The following SHISA6 variants were observed in gnomAD, a reference collection of about 807,000 sequenced individuals.
SHISA6 encodes the protein shisa family member 6, also known as protein shisa-6.
Under a neutral mutation model 47.9 loss-of-function variants are expected in SHISA6, and 22 were observed. The observed-to-expected ratio is 0.46, with a 90% confidence interval of 0.33 to 0.66. SHISA6 has a LOEUF of 0.66. Among genes scored for constraint, SHISA6 ranks in the 30% least tolerant of loss-of-function variants. The probability of loss-of-function intolerance (pLI) is 0.02; values close to 1 mark genes in which losing one functional copy is unlikely to be tolerated. For synonymous variants in SHISA6, 388 were observed against 337.8 expected (o/e 1.15, Z -1.63); for missense variants, 680 against 764.6 (o/e 0.89, Z 1.30).
intron 2 of SHISA6, among the ~76,000 whole-genome samples, chr17:11,340,121 A>G (rs75014184): frequency 0.016 from 2,431 of 152,308 alleles, 64 homozygotes; most frequent in African/African-American, 0.056. Flanking sequence ...ATGAATTCTC[A>G]GTGATCCTAT....
At chr17:11,549,057 A>G (rs1380129212) in intron 3 of SHISA6, among the ~76,000 whole-genome samples, 1 of 152,258 alleles carries the variant, frequency 6.6e-6, no homozygotes, top group East Asian at 1.9e-4. Context: ...CACAATTGTC[A>G]TTCTGCATAC....
intron 2 of SHISA6, among the ~76,000 whole-genome samples, chr17:11,302,553 A>C (rs766347596): frequency 1.3e-4 from 20 of 152,210 alleles, no homozygotes; most frequent in Non-Finnish European, 2.4e-4. Flanking sequence ...AGAAACAGGC[A>C]AGCATTTCCT....
At chr17:11,255,331 G>A (rs891546358) in intron 1 of SHISA6, among the ~76,000 whole-genome samples, 11 of 152,090 alleles carry the variant, frequency 7.2e-5, no homozygotes, top group Non-Finnish European at 1.3e-4. Flanking sequence ...AAAAATGAAG[G>A]GAGGAGGGAG....
At chr17:11,505,883 G>A (rs1187626363) in intron 3 of SHISA6, among the ~76,000 whole-genome samples, 3 of 152,160 alleles carry the variant, frequency 2.0e-5, no homozygotes, top group Non-Finnish European at 4.4e-5. Context: ...GAGAAGAAAG[G>A]CATATACTGT....
intron 3 of SHISA6, among the ~76,000 whole-genome samples, chr17:11,498,521 A>T (rs1030707113): frequency 3.9e-5 from 6 of 152,212 alleles, no homozygotes; most frequent in Non-Finnish European, 8.8e-5. Flanking sequence ...AGGAATTGGA[A>T]TGTTCCCAAC....
intron 2 of SHISA6, among the ~76,000 whole-genome samples, chr17:11,265,313 A>G (rs111278236): frequency 0.021 from 3,197 of 151,590 alleles, 107 homozygotes; most frequent in African/African-American, 0.073. Context: ...CCTAAGCCCA[A>G]TGGTTCTTAA....
chr17:11,529,583 T>C (rs1217253090), intron 3 of SHISA6, among the ~76,000 whole-genome samples: 1 of 152,196 alleles, frequency 6.6e-6, no homozygotes, highest in Non-Finnish European at 1.5e-5. Context: ...TTTGAGCATA[T>C]CCCTACACTA....
intron 1 of SHISA6, among the ~76,000 whole-genome samples, chr17:11,256,848 A>G (rs555764862): frequency 6.6e-6 from 1 of 152,322 alleles, no homozygotes; most frequent in African/African-American, 2.4e-5. Flanking sequence ...TTGGGCCCCC[A>G]GGGGATGCAC....
At chr17:11,533,219 C>G (rs569311591) in intron 3 of SHISA6, among the ~76,000 whole-genome samples, 2 of 152,302 alleles carry the variant, frequency 1.3e-5, no homozygotes, top group South Asian at 4.1e-4. Context: ...AGAGCTGATT[C>G]AGCTGCCGTT....
chr17:11,276,029 G>A (rs1908876449), intron 2 of SHISA6, among the ~76,000 whole-genome samples: 1 of 151,768 alleles, frequency 6.6e-6, no homozygotes, highest in African/African-American at 2.4e-5. Context: ...AAGTTGGAGT[G>A]TGCAGTGGTG....
Position 11,263,535 on chromosome 17 carries a change from C to CA in SHISA6, c.799+10dup. ...GGCCAAGCAGACTCCAGGTAAGTAA[C>CA]AGCTGGGCACCTTGATTCTTTGCTG... On this transcript the variant is annotated intron_variant, in intron 2 of 5. Coordinates refer to ENST00000441885, the MANE Select transcript of SHISA6 (RefSeq NM_207386.4). 1.3e-6 allele frequency: 2 copies of CA among 1,551,556 alleles called. No homozygotes were observed. The highest frequency in any genetic ancestry group is 2.4e-5 in the South Asian group (2 of 84,050).
rs1376580359 is a variant in SHISA6, at chr17:11,425,989, T to C, written c.895+46480T>C. On this transcript the variant is annotated intron_variant, in intron 3 of 5. Transcript: ENST00000441885. The stretch of plus-strand genomic sequence containing the variant: ...TGATCAACTTGAGCCTTGAACATGC[T>C]CCCACTGTGGAATGAGCACAAATTC... Among the ~76,000 whole-genome samples the C allele has an allele frequency of 2.0e-5, 3 of 152,280 alleles. No homozygotes were observed. In the East Asian group the frequency reaches 5.8e-4, roughly 29 times the overall value.
intron 2 of SHISA6, among the ~76,000 whole-genome samples, chr17:11,271,810 T>TTCTGTGCCTGGGACCCCA (rs2142153306): frequency 6.6e-6 from 1 of 152,120 alleles, no homozygotes; most frequent in East Asian, 1.9e-4. Context: ...TCACCTTTCC[T>TTCTGTGCCTGGGACCCCA]TCTGTGCCTG....
chr17:11,469,117 T>C (rs1215398316), intron 3 of SHISA6, among the ~76,000 whole-genome samples: 1 of 144,618 alleles, frequency 6.9e-6, no homozygotes, highest in African/African-American at 2.5e-5. Flanking sequence ...AAATGAACCC[T>C]CTGTGGTAGC....
intron 3 of SHISA6, among the ~76,000 whole-genome samples, chr17:11,416,239 G>C (rs942745594): frequency 6.6e-6 from 1 of 152,122 alleles, no homozygotes; most frequent in Non-Finnish European, 1.5e-5. Context: ...TGAACAAAAA[G>C]GGTCCCAGAG....
chr17:11,504,390 G>A (rs1197146116), intron 3 of SHISA6, among the ~76,000 whole-genome samples: 1 of 152,156 alleles, frequency 6.6e-6, no homozygotes, highest in African/African-American at 2.4e-5. Context: ...ATCATGAGGA[G>A]GAGGTGAAGC....
chr17:11,351,069 C>T (rs892170922), intron 2 of SHISA6, among the ~76,000 whole-genome samples: 1 of 152,056 alleles, frequency 6.6e-6, no homozygotes, highest in Non-Finnish European at 1.5e-5. Flanking sequence ...CATGTTCTCA[C>T]TCATAAGTGG....
intron 2 of SHISA6, among the ~76,000 whole-genome samples, chr17:11,270,640 G>C (rs1567556017): frequency 6.6e-6 from 1 of 152,196 alleles, no homozygotes; most frequent in Non-Finnish European, 1.5e-5. Context: ...TAGATGATAA[G>C]TAAATGAATG....
intron 3 of SHISA6, among the ~76,000 whole-genome samples, chr17:11,537,953 A>G (rs1019099991): frequency 2.0e-5 from 3 of 152,258 alleles, no homozygotes; most frequent in African/African-American, 7.2e-5. Flanking sequence ...CCAAAAATGA[A>G]TGACAGTGGT....
Sources: gnomAD v4.1 joint callset for allele counts (sites outside exome capture counted in the v4.1 genomes callset) on GRCh38, gnomAD v4.1.1 for gene constraint, MANE v1.5 for transcripts, NCBI Gene and HGNC (gene_info 2026-07-23, HGNC 2026-07-21) for gene names.